Variants in TRMT11 observed in about 807,000 individuals in gnomAD.
TRMT11 encodes the protein tRNA methyltransferase 11.
A neutral mutation model predicts 62.8 loss-of-function variants in TRMT11; 53 were observed. The ratio of observed to expected loss-of-function variants is 0.84; its 90% CI spans 0.68 to 1.06. TRMT11 has a LOEUF of 1.06. TRMT11 is among the 50% of genes least tolerant of loss of function. The pLI is 0.00. For synonymous variants in TRMT11, 188 were observed against 190.3 expected (o/e 0.99, Z 0.10); for missense variants, 556 against 553.4 (o/e 1.00, Z -0.05).
chr6:126,220,831 G>T, the TRMT11 span, among the ~76,000 whole-genome samples: 1 of 152,052 alleles, frequency 6.6e-6, no homozygotes, highest in South Asian at 2.1e-4. Context: ...CATGTCATGG[G>T]GTTTGGGGTA....
chr6:126,224,891 G>T, the TRMT11 span, among the ~76,000 whole-genome samples: 2 of 152,320 alleles, frequency 1.3e-5, no homozygotes, highest in Admixed American at 1.3e-4. Context: ...CCCATCTGCA[G>T]AAGCTCTTTG....
rs1792145773 is a variant in TRMT11, at chr6:125,999,600, A to G, written c.666A>G (p.Pro222=). The G allele has an allele frequency of 1.9e-6, 3 of 1,609,476 alleles. No individual in the cohort carries two copies. Among genetic ancestry groups the G allele is most frequent in the Non-Finnish European group, 2.5e-6 (3 of 1,177,710 alleles). Residue 222 remains proline, a synonymous_variant, in exon 7 of 13, where the codon CCA becomes CCG. Coordinates refer to ENST00000334379, the MANE Select transcript of TRMT11 (RefSeq NM_001031712.3). ...AAGAAAATGATATTGTCTTTGATCC[A>G]TTTGTTGGAACAGGTATTTTTATTT... is the stretch of plus-strand genomic sequence containing the variant. ...KVKENDIVFD[P]FVGTGGLLIA... is the part of the protein sequence containing the mutation.
Position 125,999,500 on chromosome 6 carries a change from A to G in TRMT11, c.566A>G (p.Lys189Arg), listed in dbSNP as rs1792129468. The G allele has an allele frequency of 1.9e-6, 3 of 1,611,260 alleles. No individual in the cohort carries two copies. The highest frequency in any genetic ancestry group is 4.5e-5 in the East Asian group (2 of 44,728). The change falls in exon 7 of 13, where the codon AAA (lysine) becomes AGA (arginine). Residue 189 changes from lysine to arginine, a missense_variant. Lys to Arg is a conservative substitution (Grantham distance 26). Transcript: ENST00000334379. Reference sequence around the variant, plus strand: ...GAGCTTATTGAGTCATACAGTGTCAAAAAGAGACACTTTATTGGAAATACA... The same window carrying G: ...GAGCTTATTGAGTCATACAGTGTCAGAAAGAGACACTTTATTGGAAATACA... ...QRELIESYSV[K>R]KRHFIGNTSM... is the part of the protein sequence containing the mutation.
rs565751644 is a variant in TRMT11 at position 126,117,503 on chromosome 6, T to C, written c.*1823+1648T>C. Among the ~76,000 whole-genome samples the C allele has an allele frequency of 6.4e-4, 97 of 152,210 alleles. 2 individuals carry two copies. The highest frequency in any genetic ancestry group is 3.9e-4 in the Admixed American group (6 of 15,266). ...TGTGAGCAATCAGAGCAATCATCCT[T>C]CTCTCACGTTGAATGAGTAGGTCAA... On this transcript the variant is annotated intron_variant and NMD_transcript_variant, in intron 21 of 22. Transcript: ENST00000648977.
intron 1 of TRMT11, among the ~76,000 whole-genome samples, chr6:126,177,884 C>T (rs959835541): frequency 6.6e-6 from 1 of 152,136 alleles, no homozygotes; most frequent in African/African-American, 2.4e-5. Context: ...CCATCAGTTT[C>T]ATTTTTTTCA....
intron 1 of TRMT11, among the ~76,000 whole-genome samples, chr6:126,192,369 G>A (rs1778613310): frequency 6.6e-6 from 1 of 152,054 alleles, no homozygotes; most frequent in Non-Finnish European, 1.5e-5. Context: ...ATAAATATAA[G>A]ATCATGTCTT....
rs112647290 is a variant in TRMT11, at chr6:126,114,595, C to T, written c.*1527-110C>T. ...CCGCAGGGGGAGTTTCCGCAGTGTA[C>T]TGTGACTTTTTATATCTTTCATACT... On this transcript the variant is annotated intron_variant and NMD_transcript_variant, in intron 18 of 22. Transcript: ENST00000648977. Among the ~76,000 whole-genome samples the T allele has an allele frequency of 8.2e-3, 1,255 of 152,186 alleles. 15 individuals carry two copies. Among genetic ancestry groups the T allele is most frequent in the African/African-American group, 0.029 (1,202 of 41,554 alleles).
intron 21 of TRMT11, among the ~76,000 whole-genome samples, chr6:126,146,221 G>A (rs1049731497): frequency 5.0e-4 from 76 of 152,128 alleles, no homozygotes; most frequent in African/African-American, 1.8e-3. Context: ...GTTGCGTCTT[G>A]TTTTATGAAT....
intron 8 of TRMT11, among the ~76,000 whole-genome samples, chr6:126,009,969 G>T (rs1025038837): frequency 6.6e-6 from 1 of 151,776 alleles, no homozygotes; most frequent in Non-Finnish European, 1.5e-5. Context: ...GTTTCCTGTG[G>T]TTCTGAACTC....
intron 1 of TRMT11, among the ~76,000 whole-genome samples, chr6:126,186,438 A>G (rs1386823433): frequency 6.6e-6 from 1 of 152,208 alleles, no homozygotes; most frequent in Non-Finnish European, 1.5e-5. Flanking sequence ...TTGTAGAGTG[A>G]TACAAGAAGT....
At position 126,150,678 on chromosome 6, in the gene TRMT11, A is replaced by T. The variant is rs141036616; in HGVS notation, c.*1824-24147A>T. ...TGCTCTTCCTCCCTGCCCTCCAAATAAACAGAACCAGTTATCCAACTTGGT... is the reference window on the plus strand; with the variant it reads ...TGCTCTTCCTCCCTGCCCTCCAAATTAACAGAACCAGTTATCCAACTTGGT... On this transcript the variant is annotated intron_variant and NMD_transcript_variant, in intron 21 of 22. Transcript: ENST00000648977. Among the ~76,000 whole-genome samples the T allele has an allele frequency of 7.5e-4, 114 of 152,282 alleles. 1 individual carries two copies. Among genetic ancestry groups the T allele is most frequent in the African/African-American group, 2.7e-3 (111 of 41,560 alleles).
chr6:126,217,605 C>T, the TRMT11 span, among the ~76,000 whole-genome samples: 73 of 152,310 alleles, frequency 4.8e-4, no homozygotes, highest in African/African-American at 1.7e-3. Context: ...GGAATCTCTT[C>T]CTCTGTGCTG....
At chr6:126,192,086 A>G (rs9491578) in intron 1 of TRMT11, among the ~76,000 whole-genome samples, 9,257 of 152,106 alleles carry the variant, frequency 0.061, 974 homozygotes, top group African/African-American at 0.21. Context: ...TGAACACAGG[A>G]TATCTTTCCA....
the TRMT11 span, among the ~76,000 whole-genome samples, chr6:126,256,859 T>C: frequency 6.6e-6 from 1 of 152,078 alleles, no homozygotes; most frequent in Non-Finnish European, 1.5e-5. Context: ...CTGTGTTTTT[T>C]TGTTTTTTGT....
At chr6:126,150,038 C>G (rs117241786) in intron 21 of TRMT11, among the ~76,000 whole-genome samples, 1 of 152,166 alleles carries the variant, frequency 6.6e-6, no homozygotes, top group Non-Finnish European at 1.5e-5. Context: ...CCTAATGTTG[C>G]GGTATTGAGA....
intron 21 of TRMT11, among the ~76,000 whole-genome samples, chr6:126,130,504 G>A (rs973709175): frequency 6.6e-6 from 1 of 152,092 alleles, no homozygotes; most frequent in East Asian, 1.9e-4. Context: ...TGCCTGTAGG[G>A]TGTGTGCTCC....
chr6:126,079,082 T>C (rs1777100868), intron 17 of TRMT11, among the ~76,000 whole-genome samples: 1 of 152,054 alleles, frequency 6.6e-6, no homozygotes, highest in African/African-American at 2.4e-5. Context: ...GTAAAATAAA[T>C]CATAACCCTA....
chr6:126,176,851 T>C (rs748998134), upstream of TRMT11, among the ~76,000 whole-genome samples: 18 of 152,304 alleles, frequency 1.2e-4, no homozygotes, highest in Middle Eastern at 3.4e-3. Context: ...CAGCTTGATA[T>C]ATGAACAGTG....
At chr6:126,055,929 G>C (rs986402066) in intron 17 of TRMT11, among the ~76,000 whole-genome samples, 1 of 151,868 alleles carries the variant, frequency 6.6e-6, no homozygotes, top group South Asian at 2.1e-4. Flanking sequence ...TCTCCTTCTC[G>C]TGGGTCTCTG....
Sources: allele counts gnomAD v4.1 joint callset (sites outside exome capture counted in the v4.1 genomes callset), GRCh38; gene constraint gnomAD v4.1.1; transcripts MANE v1.5; gene names NCBI Gene and HGNC (gene_info 2026-07-23, HGNC 2026-07-21).